Variants in ERC2 observed in about 807,000 individuals in gnomAD.
ERC2 encodes ELKS/RAB6-interacting/CAST family member 2.
ERC2 carries 42 observed loss-of-function variants against 114.8 expected under a neutral mutation model. The observed-to-expected ratio is 0.37, with a 90% CI of 0.29 to 0.47. ERC2 has a LOEUF of 0.47. Among genes scored for constraint, ERC2 ranks in the 20% least tolerant of loss-of-function variants. The pLI, the probability that ERC2 is intolerant of heterozygous loss-of-function variation, is 0.99. For missense variants in ERC2, 939 were observed against 1,150.7 expected (o/e 0.82, Z 2.66); for synonymous variants, 454 against 425.5 (o/e 1.07, Z -0.82).
chr3:56,429,283 C>A (rs2061695347), intron 2 of ERC2, among the ~76,000 whole-genome samples: 1 of 152,200 alleles, frequency 6.6e-6, no homozygotes, highest in Admixed American at 6.5e-5. Flanking sequence ...CCCCATAACA[C>A]CTATCCCAAC....
chr3:55,673,812 T>C (rs1278137852), intron 17 of ERC2, among the ~76,000 whole-genome samples: 1 of 150,512 alleles, frequency 6.6e-6, no homozygotes. Context: ...AAGTTTTTTT[T>C]TTTTTTTTTT....
intron 13 of ERC2, among the ~76,000 whole-genome samples, chr3:55,899,595 C>T (rs113898829): frequency 4.2e-4 from 64 of 152,048 alleles, no homozygotes; most frequent in East Asian, 1.5e-3. Context: ...TTGAGATGTT[C>T]GTCAGATATT....
intron 5 of ERC2, among the ~76,000 whole-genome samples, chr3:56,146,041 C>G (rs1019279064): frequency 6.6e-6 from 1 of 152,072 alleles, no homozygotes; most frequent in East Asian, 1.9e-4. Context: ...AATCCCAGCA[C>G]TTTGGGAGGC....
chr3:55,837,235 C>G (rs935231670), intron 14 of ERC2, among the ~76,000 whole-genome samples: 3 of 152,152 alleles, frequency 2.0e-5, no homozygotes, highest in Non-Finnish European at 4.4e-5. Context: ...ACCATTTGAT[C>G]CAGCCATCCC....
At chr3:56,029,421 A>C (rs1466080770) in intron 7 of ERC2, among the ~76,000 whole-genome samples, 2 of 152,060 alleles carry the variant, frequency 1.3e-5, no homozygotes, top group African/African-American at 4.8e-5. Flanking sequence ...ATTCTTTAAC[A>C]TTTTGGTAAA....
At chr3:55,984,068 C>T (rs1484881669) in intron 12 of ERC2, among the ~76,000 whole-genome samples, 1 of 152,122 alleles carries the variant, frequency 6.6e-6, no homozygotes, top group African/African-American at 2.4e-5. Context: ...ACAATGATTG[C>T]ACATTTTCAT....
intron 15 of ERC2, among the ~76,000 whole-genome samples, chr3:55,723,352 T>A (rs1052091040): frequency 2.0e-5 from 3 of 152,210 alleles, no homozygotes; most frequent in African/African-American, 7.2e-5. Context: ...GTTTCTATTA[T>A]GAGCAAATAT....
At chr3:55,975,826 TC>T (rs2149492777) in intron 12 of ERC2, among the ~76,000 whole-genome samples, 1 of 152,284 alleles carries the variant, frequency 6.6e-6, no homozygotes, top group African/African-American at 2.4e-5. Flanking sequence ...ATGCCTTCTA[TC>T]TTCCTACCTC....
At position 55,714,408 on chromosome 3, in the gene ERC2, C is replaced by T. The variant is rs550658526; in HGVS notation, c.2713-14896G>A. The stretch of plus-strand genomic sequence containing the variant: ...CATAGGAGCAGTTAATGAGAAGTAA[C>T]CAAAATGTCCATATATTAGGCTTTG... On this transcript the variant is annotated intron_variant, in intron 15 of 17. Transcript: ENST00000288221. Among the ~76,000 whole-genome samples the T allele has an allele frequency of 1.6e-4, 24 of 151,882 alleles. No individual in the cohort carries two copies. The South Asian group carries it at 4.4e-3, about 28-fold the overall frequency.
At chr3:56,142,156 C>T (rs1047893127) in intron 5 of ERC2, among the ~76,000 whole-genome samples, 2 of 152,094 alleles carry the variant, frequency 1.3e-5, no homozygotes, top group African/African-American at 4.8e-5. Context: ...AGTGTTGATA[C>T]ATTTTTTTCC....
intron 10 of ERC2, among the ~76,000 whole-genome samples, chr3:55,994,920 A>G (rs2071389677): frequency 6.6e-6 from 1 of 152,200 alleles, no homozygotes; most frequent in South Asian, 2.1e-4. Context: ...CACTGTTGAC[A>G]TCATTTGATG....
At chr3:55,517,623 G>A (rs2052619881) in intron 17 of ERC2, among the ~76,000 whole-genome samples, 1 of 152,142 alleles carries the variant, frequency 6.6e-6, no homozygotes, top group South Asian at 2.1e-4. Flanking sequence ...TCCTGGATAT[G>A]CTCTCCTTGC....
chr3:56,050,925 G>A lies in ERC2; in HGVS notation c.1641+29892C>T, dbSNP rs530533358. Among the ~76,000 whole-genome samples, 11 of 152,280 alleles carry A rather than the reference G, an allele frequency of 7.2e-5. No individual in the cohort carries two copies. The South Asian group carries it at 1.9e-3, about 26-fold the overall frequency. On this transcript the variant is annotated intron_variant, in intron 7 of 17. Transcript: ENST00000288221. ...CATTAGAAATATTAGGTAGGCAGAA[G>A]CAGCTCTGGAACAGCTCCTTGATTC...
chr3:55,687,377 AT>A (rs11313736), intron 16 of ERC2, among the ~76,000 whole-genome samples: 138,292 of 149,542 alleles, frequency 0.92, 63,971 homozygotes, highest in East Asian at 1. Flanking sequence ...CCACCACCGG[AT>A]TTTTTTTTTT....
intron 2 of ERC2, among the ~76,000 whole-genome samples, chr3:56,395,572 G>A (rs192488648): frequency 1.6e-4 from 24 of 152,162 alleles, no homozygotes; most frequent in Admixed American, 1.3e-3. Context: ...ATTTAAAAGT[G>A]TGTGGCACCT....
At chr3:55,582,823 T>C (rs2057326478) in intron 17 of ERC2, among the ~76,000 whole-genome samples, 1 of 152,240 alleles carries the variant, frequency 6.6e-6, no homozygotes, top group Non-Finnish European at 1.5e-5. Flanking sequence ...CTAGCATTTC[T>C]GAGCCTCAGT....
At chr3:56,093,022 CCAAA>C (rs1161384814) in intron 6 of ERC2, among the ~76,000 whole-genome samples, 1 of 152,124 alleles carries the variant, frequency 6.6e-6, no homozygotes, top group Non-Finnish European at 1.5e-5. Context: ...TTTAACAAAT[CCAAA>C]CAAATAACCT....
chr3:56,400,983 C>A (rs768790285), intron 2 of ERC2, among the ~76,000 whole-genome samples: 1 of 152,188 alleles, frequency 6.6e-6, no homozygotes, highest in Non-Finnish European at 1.5e-5. Context: ...TCTTGTAACA[C>A]CCTCTCTGGT....
At chr3:56,354,666 C>T (rs563212962) in intron 2 of ERC2, among the ~76,000 whole-genome samples, 1 of 152,350 alleles carries the variant, frequency 6.6e-6, no homozygotes, top group South Asian at 2.1e-4. Context: ...GCAGGAACTA[C>T]ATGATACCCA....
Sources: allele counts gnomAD v4.1 joint callset (sites outside exome capture counted in the v4.1 genomes callset), GRCh38; gene constraint gnomAD v4.1.1; transcripts MANE v1.5; gene names NCBI Gene and HGNC (gene_info 2026-07-23, HGNC 2026-07-21).